ZDBF2: variants seen among roughly 807,000 people sequenced by gnomAD.
ZDBF2 encodes DBF4-type zinc finger-containing protein 2.
A neutral mutation model predicts 9.4 loss-of-function variants in ZDBF2; 6 were observed. The observed-to-expected ratio is 0.64, with a 90% CI of 0.35 to 1.27. The LOEUF is 1.27. ZDBF2 is among the 50% of genes most tolerant of loss of function. The pLI is 0.03. For missense variants in ZDBF2, 2,697 were observed against 2,766.8 expected (o/e 0.97, Z 0.57); for synonymous variants, 905 against 946.3 (o/e 0.96, Z 0.80).
At position 206,305,583 on chromosome 2, in the gene ZDBF2, C is replaced by T. The variant is rs752796883; in HGVS notation, c.1055C>T (p.Ala352Val). The T allele has an allele frequency of 5.6e-6, 9 of 1,613,660 alleles. No homozygotes were observed. The African/African-American group carries it at 9.3e-5, about 17-fold the overall frequency. Residue 352 changes from alanine (A) to valine (V), a missense_variant, in exon 5 of 5, where the codon GCC (alanine) becomes GTC (valine). Around this residue, in one of 3 missense-constraint regions of ZDBF2, gnomAD observed 910 missense variants for 973.6 expected, o/e 0.93. Coordinates refer to ENST00000374423, the MANE Select transcript of ZDBF2 (RefSeq NM_020923.3). Reference sequence around the variant, plus strand: ...AAGCATTTGGTTTTTAACAAGACAGCCTTTTGGGAACAGAAGTGCTCAGTG... The same window carrying T: ...AAGCATTTGGTTTTTAACAAGACAGTCTTTTGGGAACAGAAGTGCTCAGTG... ...EEKHLVFNKT[A>V]FWEQKCSVSS...
At chr2:206,285,414 T>C (rs2105906640) in intron 3 of ZDBF2, among the ~76,000 whole-genome samples, 1 of 152,344 alleles carries the variant, frequency 6.6e-6, no homozygotes, top group East Asian at 1.9e-4. Flanking sequence ...TGAACATTTT[T>C]TAATATACTT....
rs912621375 is a variant in ZDBF2 at position 206,299,872 on chromosome 2, C to T, written c.188+2499C>T. Among the ~76,000 whole-genome samples, 3 of 151,942 alleles carry T rather than the reference C, an allele frequency of 2.0e-5. No homozygotes were observed. The East Asian group carries it at 5.8e-4, about 29-fold the overall frequency. On this transcript the variant is annotated intron_variant, in intron 4 of 4. Transcript: ENST00000374423. ...CCTGTAATCCTACCACTTTGGGAGG[C>T]CGAGGCGGGCGGATCACCTGAGGTC...
At chr2:206,301,042 C>T (rs1692476230) in intron 4 of ZDBF2, among the ~76,000 whole-genome samples, 1 of 152,134 alleles carries the variant, frequency 6.6e-6, no homozygotes, top group Non-Finnish European at 1.5e-5. Flanking sequence ...TTTTTTCCCT[C>T]CCAACCTAAT....
rs887222014 is a variant in ZDBF2, at chr2:206,307,881, A to G, written c.3353A>G (p.His1118Arg). The change falls in exon 5 of 5, where the codon CAT becomes CGT. Residue 1118 changes from histidine to arginine, a missense_variant. By Grantham distance (29) the His-to-Arg change is conservative. This residue lies in a region of ZDBF2 where 1,783 missense variants were observed against 1,776.5 expected (regional missense o/e 1.00). Coordinates refer to ENST00000374423, the MANE Select transcript of ZDBF2 (RefSeq NM_020923.3). ...GAACCTAGTACTTATAAATTAATACATCATCCTGATGTTTCTGTCCAATCT... is the reference window on the plus strand; with the variant it reads ...GAACCTAGTACTTATAAATTAATACGTCATCCTGATGTTTCTGTCCAATCT... ...INEPSTYKLI[H>R]HPDVSVQSVA... is the part of the protein sequence containing the mutation. 4 of 1,613,658 alleles carry G rather than the reference A, an allele frequency of 2.5e-6. No individual in the cohort carries two copies. The East Asian group carries it at 6.7e-5, about 27-fold the overall frequency.
At chr2:206,294,216 T>C (rs773110639) in intron 3 of ZDBF2, among the ~76,000 whole-genome samples, 1 of 152,130 alleles carries the variant, frequency 6.6e-6, no homozygotes, top group Admixed American at 6.5e-5. Context: ...ATAGTTACTT[T>C]TGGGGAAAAG....
chr2:206,305,380 T>C lies in ZDBF2; in HGVS notation c.852T>C (p.Ala284=). ...DVKSQGKTLS[A]GLKFHERMGT... is the part of the protein sequence containing the mutation. ...AATCTCAGGGTAAAACTTTATCAGC[T>C]GGCTTGAAATTCCATGAACGCATGG... The change falls in exon 5 of 5, where the codon GCT becomes GCC. Residue 284 remains alanine (A), a synonymous_variant. Coordinates refer to ENST00000374423, the MANE Select transcript of ZDBF2 (RefSeq NM_020923.3). 1 of 1,613,244 alleles carries C rather than the reference T, an allele frequency of 6.2e-7. No individual in the cohort carries two copies. The highest frequency in any genetic ancestry group is 8.5e-7 in the Non-Finnish European group (1 of 1,179,572).
In ZDBF2 at chr2:206,306,353, C is replaced by A; in HGVS notation, c.1825C>A (p.Gln609Lys). 2.5e-6 allele frequency: 4 copies of A among 1,613,748 alleles called. No homozygotes were observed. Among genetic ancestry groups the A allele is most frequent in the African/African-American group, 1.3e-5 (1 of 75,042 alleles). ...TVKGRNLKGR[Q>K]VHLKHKKRKP... is the part of the protein sequence containing the mutation. ...CAAAGGAAGAAACCTGAAAGGTAGA[C>A]AAGTCCACCTAAAACATAAGAAGCG... The change falls in exon 5 of 5, where the codon CAA becomes AAA. Residue 609 changes from glutamine to lysine, a missense_variant. Around this residue, in one of 3 missense-constraint regions of ZDBF2, gnomAD observed 910 missense variants for 973.6 expected, o/e 0.93. Coordinates refer to ENST00000374423, the MANE Select transcript of ZDBF2 (RefSeq NM_020923.3).
chr2:206,302,361 G>A (rs1183562508), intron 4 of ZDBF2, among the ~76,000 whole-genome samples: 1 of 151,868 alleles, frequency 6.6e-6, no homozygotes, highest in Non-Finnish European at 1.5e-5. Context: ...AGCTTTTTTT[G>A]TTGTTGTGTG....
intron 4 of ZDBF2, among the ~76,000 whole-genome samples, chr2:206,299,966 G>A (rs556425264): frequency 5.9e-5 from 9 of 152,120 alleles, no homozygotes; most frequent in East Asian, 1.9e-4. Context: ...AAAATTAGCC[G>A]GGCATGGTGG....
In ZDBF2 at chr2:206,305,042, A is replaced by G. The variant is rs1692699088; in HGVS notation, c.514A>G (p.Asn172Asp). 5.6e-6 allele frequency: 9 copies of G among 1,613,824 alleles called. No homozygotes were observed. The highest frequency in any genetic ancestry group is 1.3e-5 in the African/African-American group (1 of 75,054). ...CCTAGTAGATATTGGTCAGGCTACA[A>G]ATAATAGAAGCAACTTGGTACGCCC... ...CNLVDIGQAT[N>D]NRSNLVRPPV... Residue 172 changes from asparagine to aspartate, a missense_variant, in exon 5 of 5, where the codon AAT becomes GAT. Asn to Asp is a conservative substitution (Grantham distance 23). Coordinates refer to ENST00000374423, the MANE Select transcript of ZDBF2 (RefSeq NM_020923.3).
At chr2:206,278,566 C>A (rs761587607) in intron 1 of ZDBF2, among the ~76,000 whole-genome samples, 21 of 152,158 alleles carry the variant, frequency 1.4e-4, no homozygotes, top group African/African-American at 3.9e-4. Context: ...TCTACTTGCC[C>A]TGGTTTATTG....
At position 206,304,914 on chromosome 2, in the gene ZDBF2, A is replaced by T. The variant is rs113954798; in HGVS notation, c.386A>T (p.Gln129Leu). The T allele has an allele frequency of 4.2e-5, 67 of 1,613,716 alleles. 5 individuals are homozygous for T. In the African/African-American group the frequency reaches 4.5e-4, roughly 11 times the overall value. Residue 129 changes from glutamine to leucine, a missense_variant, in exon 5 of 5, where the codon CAG (glutamine) becomes CTG (leucine). Coordinates refer to ENST00000374423, the MANE Select transcript of ZDBF2 (RefSeq NM_020923.3). ...CCTCATAAATCTCAGGAAGGCACGC[A>T]GGAGGTTTCAGTTCGACCATCAGTT... Reference protein sequence around the residue: ...SRPHKSQEGTQEVSVRPSVIQ... With the variant: ...SRPHKSQEGTLEVSVRPSVIQ...
At position 206,309,889 on chromosome 2, in the gene ZDBF2, C is replaced by T. The variant is rs536792788; in HGVS notation, c.5361C>T (p.Ser1787=). ...ACTTGAAAGAAAAGAACCATGATTC[C>T]CAGTCAAGCTCTGTTCTCAAGGTTG... is the stretch of plus-strand genomic sequence containing the variant. ...SSDLKEKNHD[S]QSSSVLKVDS... The change falls in exon 5 of 5, where the codon TCC becomes TCT. Residue 1787 remains serine, a synonymous_variant. Transcript: ENST00000374423. 2 of 1,613,726 alleles carry T rather than the reference C, an allele frequency of 1.2e-6. No individual in the cohort carries two copies. The highest frequency in any genetic ancestry group is 1.3e-5 in the African/African-American group (1 of 74,848).
intron 3 of ZDBF2, among the ~76,000 whole-genome samples, 158 bp from the exon 4 acceptor site, chr2:206,297,088 G>A (rs1176046017): frequency 6.6e-6 from 1 of 152,188 alleles, no homozygotes; most frequent in Non-Finnish European, 1.5e-5. Flanking sequence ...CTAAGGGAAA[G>A]TAGTTTTATG....
rs1335074614 is a variant in ZDBF2, at chr2:206,310,339, C to G, written c.5811C>G (p.Cys1937Trp). 1 of 1,613,834 alleles carries G rather than the reference C, an allele frequency of 6.2e-7. No homozygotes were observed. The highest frequency in any genetic ancestry group is 8.5e-7 in the Non-Finnish European group (1 of 1,179,858). Residue 1937 changes from cysteine (C) to tryptophan (W), a missense_variant, in exon 5 of 5, where the codon TGC becomes TGG. Transcript: ENST00000374423. Reference protein sequence around the residue: ...PKQKGRVASQCQTAKISHSTQ... With the variant: ...PKQKGRVASQWQTAKISHSTQ... ...AAAAGGGGCGTGTGGCTTCTCAATG[C>G]CAGACAGCGAAAATCAGCCATAGTA...
intron 4 of ZDBF2, among the ~76,000 whole-genome samples, chr2:206,301,617 T>C (rs562195283): frequency 5.9e-5 from 9 of 152,168 alleles, no homozygotes; most frequent in Non-Finnish European, 1.3e-4. Context: ...ATGCCAATAG[T>C]ACATTATTTT....
chr2:206,297,026 A>T (rs1482145118), intron 3 of ZDBF2, among the ~76,000 whole-genome samples: 2 of 152,140 alleles, frequency 1.3e-5, no homozygotes, highest in African/African-American at 4.8e-5. Context: ...TGAATCATTT[A>T]CCTTTAAGAC....
In ZDBF2 at chr2:206,305,022, T is replaced by C; in HGVS notation, c.494T>C (p.Val165Ala). The C allele has an allele frequency of 6.2e-7, 1 of 1,613,718 alleles. No individual in the cohort carries two copies. The highest frequency in any genetic ancestry group is 8.5e-7 in the Non-Finnish European group (1 of 1,179,780). ...IGASVRKCNL[V>A]DIGQATNNRS... ...GCCAGTGTGAGAAAATGTAACCTAG[T>C]AGATATTGGTCAGGCTACAAATAAT... Residue 165 changes from valine to alanine, a missense_variant, in exon 5 of 5, where the codon GTA (valine) becomes GCA (alanine). Around this residue, in one of 3 missense-constraint regions of ZDBF2, gnomAD observed 910 missense variants for 973.6 expected, o/e 0.93. Coordinates refer to ENST00000374423, the MANE Select transcript of ZDBF2 (RefSeq NM_020923.3).
At chr2:206,277,729 C>CA (rs5838017) in intron 1 of ZDBF2, among the ~76,000 whole-genome samples, 200 of 104,812 alleles carry the variant, frequency 1.9e-3, no homozygotes, top group East Asian at 2.1e-3. Context: ...CTAATCTGTC[C>CA]AAAAAAAAAA....
Sources: allele counts gnomAD v4.1 joint callset (sites outside exome capture counted in the v4.1 genomes callset), GRCh38; gene constraint gnomAD v4.1.1; regional missense constraint gnomAD v4.1.1; transcripts MANE v1.5; gene names NCBI Gene and HGNC (gene_info 2026-07-23, HGNC 2026-07-21).